The following PIAS2 variants were observed in gnomAD, a reference collection of about 807,000 sequenced individuals.
The protein encoded by PIAS2 is protein inhibitor of activated STAT 2.
PIAS2 carries 19 observed loss-of-function variants against 69.7 expected under a neutral mutation model. The observed-to-expected ratio is 0.27, with a 90% confidence interval of 0.19 to 0.40. The LOEUF (loss-of-function observed/expected upper bound fraction) is 0.40. Among genes scored for constraint, PIAS2 ranks in the 10% least tolerant of loss-of-function variants. The pLI is 1.00. For synonymous variants in PIAS2, 261 were observed against 263.2 expected (o/e 0.99, Z 0.08); for missense variants, 624 against 757.0 (o/e 0.82, Z 2.06).
chr18:46,812,764 A>C lies in PIAS2; in HGVS notation c.1687-152T>G. 1.4e-5 allele frequency: 8 copies of C among 554,180 alleles called. No individual in the cohort carries two copies. The South Asian group carries it at 2.2e-4, about 15-fold the overall frequency. 34.3% of individuals were successfully genotyped at this position (554,180 alleles called of 1,614,324 possible). ...CTCAAAACTTCACATCTTTGGGTGG[A>C]AGATAGCATGAATTTAGCTATTTTA... On this transcript the variant is annotated intron_variant, in intron 13 of 13. Transcript: ENST00000585916.
At chr18:46,909,919 C>A (rs1225519937) in intron 1 of PIAS2, among the ~76,000 whole-genome samples, 1 of 152,132 alleles carries the variant, frequency 6.6e-6, no homozygotes, top group Admixed American at 6.5e-5. Flanking sequence ...GTGATCCCAG[C>A]ACTTTGGGAG....
At chr18:46,861,161 C>T (rs1345667441) in intron 3 of PIAS2, among the ~76,000 whole-genome samples, 1 of 151,952 alleles carries the variant, frequency 6.6e-6, no homozygotes, top group Non-Finnish European at 1.5e-5. Flanking sequence ...ATCGCTTGAA[C>T]CTGGGAGGCA....
chr18:46,896,165 C>CAAAAAAAAAAAAAAAAAAA (rs1199712335), intron 1 of PIAS2, among the ~76,000 whole-genome samples: 11 of 31,916 alleles, frequency 3.4e-4, no homozygotes, highest in Admixed American at 1.1e-3. Context: ...AAGAAAAAAG[C>CAAAAAAAAAAAAAAAAAAA]AAAAAAAAAA....
chr18:46,858,420 C>A (rs1212376687), intron 3 of PIAS2, among the ~76,000 whole-genome samples: 1 of 152,100 alleles, frequency 6.6e-6, no homozygotes, highest in Non-Finnish European at 1.5e-5. Flanking sequence ...AGGCAAAAAA[C>A]AAGGGCTTGA....
intron 8 of PIAS2, 192 bp downstream of exon 8, chr18:46,843,862 C>T (rs2045772394): frequency 2.4e-6 from 1 of 412,002 alleles, no homozygotes; most frequent in Non-Finnish European, 4.4e-6. Context: ...GCTATCTTCC[C>T]TCTTCTTTGT....
chr18:46,816,901 T>G (rs962930752), intron 12 of PIAS2: 25 of 940,152 alleles, frequency 2.7e-5, no homozygotes, highest in Non-Finnish European at 2.9e-5. Context: ...GTGAGATATC[T>G]CAATAAGCAG....
chr18:46,809,376 GA>G lies in PIAS2; in HGVS notation c.*3056del, dbSNP rs1455977093. 6.6e-6 allele frequency: 1 copy of G among 152,148 alleles called. No individual in the cohort carries two copies. The highest frequency in any genetic ancestry group is 1.5e-5 in the Non-Finnish European group (1 of 68,034). 9.4% of individuals were successfully genotyped at this position (152,148 alleles called of 1,614,324 possible). A position where few individuals can be genotyped will look rare whatever the true frequency, so the allele number is the denominator to read the frequency against. On this transcript the variant is annotated 3_prime_UTR_variant, in exon 14 of 14. Coordinates refer to ENST00000585916, the MANE Select transcript of PIAS2 (RefSeq NM_004671.5). ...GTGAGTGACAACAGACCTCAGGCAC[GA>G]AACTATTTTCAGCACCAATTACACT...
chr18:46,900,871 G>A (rs536462562), intron 1 of PIAS2: 10 of 214,064 alleles, frequency 4.7e-5, no homozygotes, highest in African/African-American at 2.1e-4. Flanking sequence ...CTGCTCAGGA[G>A]GCTGAGGCAG....
chr18:46,884,344 ACT>A (rs1245978279), intron 2 of PIAS2, among the ~76,000 whole-genome samples: 4 of 151,612 alleles, frequency 2.6e-5, no homozygotes, highest in Non-Finnish European at 5.9e-5. Flanking sequence ...ACAGAGTCTC[ACT>A]CTGTCACCCA....
At chr18:46,840,513 G>C (rs1052427219) in intron 8 of PIAS2, among the ~76,000 whole-genome samples, 1 of 152,112 alleles carries the variant, frequency 6.6e-6, no homozygotes, top group Non-Finnish European at 1.5e-5. Flanking sequence ...TGTTTTTGTC[G>C]TTTTCTTCTA....
intron 1 of PIAS2, chr18:46,900,876 A>AG: frequency 4.6e-6 from 1 of 217,282 alleles, no homozygotes. Flanking sequence ...CAGGAGGCTG[A>AG]GGCAGAAGAA....
chr18:46,918,386 C>T (rs1264075676), upstream of PIAS2, among the ~76,000 whole-genome samples: 1 of 152,174 alleles, frequency 6.6e-6, no homozygotes, highest in Non-Finnish European at 1.5e-5. Context: ...ACCGCCTCTT[C>T]CCACTACCCC....
chr18:46,812,459 T>G lies in PIAS2; in HGVS notation c.1840A>C (p.Ile614Leu). ...TAGTCCAATGAGATGATGTCAGGAA[T>G]GTTACTTCCACTGCTGGTTATGACC... ...TGVITSSGSN[I>L]PDIISLD is the part of the protein sequence containing the mutation. The change falls in exon 14 of 14, where the codon ATT becomes CTT. Residue 614 changes from isoleucine (I) to leucine (L), a missense_variant. Transcript: ENST00000585916. 1.9e-6 allele frequency: 3 copies of G among 1,612,106 alleles called. No homozygotes were observed. Among genetic ancestry groups the G allele is most frequent in the Non-Finnish European group, 2.5e-6 (3 of 1,178,688 alleles).
At chr18:46,824,013 A>C (rs2042500879) in intron 11 of PIAS2, among the ~76,000 whole-genome samples, 1 of 152,244 alleles carries the variant, frequency 6.6e-6, no homozygotes, top group South Asian at 2.1e-4. Context: ...AAAGCTTTTA[A>C]AACTTGTTAC....
At chr18:46,877,535 C>T (rs1007499903) in intron 2 of PIAS2, among the ~76,000 whole-genome samples, 2 of 152,172 alleles carry the variant, frequency 1.3e-5, no homozygotes, top group South Asian at 2.1e-4. Context: ...ATCAAAACTA[C>T]CCTTCCTGCC....
intron 1 of PIAS2, among the ~76,000 whole-genome samples, chr18:46,893,100 A>C (rs1448644673): frequency 6.6e-6 from 1 of 152,210 alleles, no homozygotes; most frequent in African/African-American, 2.4e-5. Context: ...ACAACAAAGA[A>C]GGAAAACAAG....
At chr18:46,903,835 A>C (rs753594335) in intron 1 of PIAS2, among the ~76,000 whole-genome samples, 3 of 152,240 alleles carry the variant, frequency 2.0e-5, no homozygotes, top group Non-Finnish European at 4.4e-5. Context: ...CAACAGGTGA[A>C]TGGTTAAACA....
At chr18:46,917,121 C>T in intron 1 of PIAS2, 1 of 995,428 alleles carries the variant, frequency 1.0e-6, no homozygotes, top group Non-Finnish European at 1.2e-6. Flanking sequence ...CCAGGCCCGC[C>T]GCCCCCGCGC....
chr18:46,846,626 A>C, intron 6 of PIAS2, 81 bp downstream of exon 6: 1 of 1,338,758 alleles, frequency 7.5e-7, no homozygotes, highest in Non-Finnish European at 1.0e-6. Context: ...AAAGAGCTGA[A>C]GCCAACAGCT....
Sources: gnomAD v4.1 joint callset for allele counts (sites outside exome capture counted in the v4.1 genomes callset) on GRCh38, gnomAD v4.1.1 for gene constraint, MANE v1.5 for transcripts, NCBI Gene and HGNC (gene_info 2026-07-23, HGNC 2026-07-21) for gene names.